The following THSD7B variants were observed in gnomAD, a reference collection of about 807,000 sequenced individuals.
The protein encoded by THSD7B is thrombospondin type-1 domain-containing protein 7B.
Under a neutral mutation model 213.6 loss-of-function variants are expected in THSD7B, and 138 were observed. The ratio of observed to expected loss-of-function variants is 0.65; its 90% CI spans 0.56 to 0.74. THSD7B has a LOEUF of 0.74. THSD7B is among the 30% of genes least tolerant of loss of function. THSD7B has a pLI of 0.00. For synonymous variants in THSD7B, 742 were observed against 687.0 expected, an observed-to-expected ratio of 1.08 and a Z score of -1.25; for missense variants, 1,931 against 1,991.5, an observed-to-expected ratio of 0.97 and a Z score of 0.58.
chr2:137,131,476 A>T (rs376444169), intron 5 of THSD7B, among the ~76,000 whole-genome samples: 1 of 152,104 alleles, frequency 6.6e-6, no homozygotes, highest in Non-Finnish European at 1.5e-5. Flanking sequence ...CTGAATGGTA[A>T]TGCCTAGGTT....
At chr2:137,331,743 G>T (rs1235168117) in intron 12 of THSD7B, among the ~76,000 whole-genome samples, 1 of 152,212 alleles carries the variant, frequency 6.6e-6, no homozygotes, top group Non-Finnish European at 1.5e-5. Context: ...CAGGTCCCAA[G>T]CCCTGCCCCG....
At chr2:137,353,088 C>A (rs1401949986) in intron 12 of THSD7B, among the ~76,000 whole-genome samples, 1 of 151,910 alleles carries the variant, frequency 6.6e-6, no homozygotes, top group Non-Finnish European at 1.5e-5. Context: ...GGAATTCTGA[C>A]AATTGAGATG....
chr2:137,247,616 A>G (rs770723953), intron 10 of THSD7B, among the ~76,000 whole-genome samples: 14 of 152,176 alleles, frequency 9.2e-5, no homozygotes, highest in Non-Finnish European at 1.6e-4. Context: ...TTTAACTTTC[A>G]TCTCTAAGGA....
intron 15 of THSD7B, among the ~76,000 whole-genome samples, chr2:137,459,333 G>T (rs953675379): frequency 2.0e-5 from 3 of 152,058 alleles, no homozygotes; most frequent in Non-Finnish European, 2.9e-5. Flanking sequence ...AAAAACATTT[G>T]TTAAAACATG....
intron 12 of THSD7B, among the ~76,000 whole-genome samples, chr2:137,320,618 A>G (rs1037047104): frequency 2.0e-5 from 3 of 152,228 alleles, no homozygotes; most frequent in African/African-American, 4.8e-5. Flanking sequence ...CATGCTTTTC[A>G]TATTTAAATG....
intron 1 of THSD7B, among the ~76,000 whole-genome samples, chr2:136,813,095 C>T (rs1682409707): frequency 6.6e-6 from 1 of 152,122 alleles, no homozygotes; most frequent in Non-Finnish European, 1.5e-5. Context: ...TTATTTACCA[C>T]ATTTTTCTTC....
At chr2:136,793,109 G>A (rs1247107901) in intron 1 of THSD7B, among the ~76,000 whole-genome samples, 1 of 151,992 alleles carries the variant, frequency 6.6e-6, no homozygotes, top group Non-Finnish European at 1.5e-5. Context: ...TAATATATGA[G>A]TGGAATTGCT....
At chr2:137,509,571 T>A (rs538666212) in intron 15 of THSD7B, among the ~76,000 whole-genome samples, 1 of 152,286 alleles carries the variant, frequency 6.6e-6, no homozygotes, top group African/African-American at 2.4e-5. Context: ...TTTCCTCTAA[T>A]TCTTTGAACA....
intron 5 of THSD7B, among the ~76,000 whole-genome samples, chr2:137,152,721 T>G (rs1435676228): frequency 6.6e-6 from 1 of 152,214 alleles, no homozygotes; most frequent in Non-Finnish European, 1.5e-5. Context: ...TTGTCATAGT[T>G]TCTATGGAAA....
Position 136,986,648 on chromosome 2 carries a change from G to A in THSD7B, c.140-69772G>A, listed in dbSNP as rs142391379. 1.7e-4 allele frequency among the ~76,000 whole-genome samples: 26 copies of A among 152,270 alleles called. No individual in the cohort carries two copies. The East Asian group carries it at 4.8e-3, about 28-fold the overall frequency. On this transcript the variant is annotated intron_variant, in intron 2 of 27. Coordinates refer to ENST00000409968, the MANE Select transcript of THSD7B (RefSeq NM_001316349.2). ...TTCTAAAGGTAGAGATAGTTGTAAT[G>A]TTTCTCCTGCATTTTTTAAGGAAAT... is the stretch of plus-strand genomic sequence containing the variant.
At chr2:137,121,718 C>A (rs1465641488) in intron 5 of THSD7B, among the ~76,000 whole-genome samples, 1 of 152,310 alleles carries the variant, frequency 6.6e-6, no homozygotes, top group East Asian at 1.9e-4. Flanking sequence ...GCTTGACATT[C>A]TTCTTTGTAT....
At chr2:137,378,344 C>G (rs1685705295) in intron 12 of THSD7B, among the ~76,000 whole-genome samples, 1 of 152,168 alleles carries the variant, frequency 6.6e-6, no homozygotes, top group South Asian at 2.1e-4. Flanking sequence ...TAAAGAACTT[C>G]TTTTGCAGCT....
At chr2:137,008,352 A>C (rs1686155634) in intron 2 of THSD7B, among the ~76,000 whole-genome samples, 1 of 152,148 alleles carries the variant, frequency 6.6e-6, no homozygotes, top group South Asian at 2.1e-4. Context: ...AAATTAAATA[A>C]AAATAAGAAG....
chr2:137,491,205 C>T (rs2105122301), intron 15 of THSD7B, among the ~76,000 whole-genome samples: 1 of 152,264 alleles, frequency 6.6e-6, no homozygotes, highest in East Asian at 1.9e-4. Context: ...AACACGTCTC[C>T]CTAACATACA....
At chr2:137,115,631 A>T (rs1688436124) in intron 5 of THSD7B, among the ~76,000 whole-genome samples, 1 of 151,952 alleles carries the variant, frequency 6.6e-6, no homozygotes, top group African/African-American at 2.4e-5. Flanking sequence ...TTTGTTTTTT[A>T]ATTTTTTGCT....
chr2:136,984,458 C>T (rs1685637303), intron 2 of THSD7B, among the ~76,000 whole-genome samples: 1 of 152,176 alleles, frequency 6.6e-6, no homozygotes, highest in African/African-American at 2.4e-5. Flanking sequence ...TCTCTTGCTC[C>T]TGCTCTCACC....
intron 15 of THSD7B, among the ~76,000 whole-genome samples, chr2:137,454,288 A>G (rs1358354248): frequency 6.6e-6 from 1 of 152,198 alleles, no homozygotes; most frequent in Non-Finnish European, 1.5e-5. Flanking sequence ...TTAATTGATC[A>G]GGACAATAAG....
chr2:137,631,269 A>C (rs567424065), intron 20 of THSD7B, among the ~76,000 whole-genome samples: 36 of 152,302 alleles, frequency 2.4e-4, no homozygotes, highest in Middle Eastern at 3.4e-3. Context: ...TATTTGGATT[A>C]GTCATGTTTT....
chr2:137,555,471 C>A (rs897991679), intron 15 of THSD7B, among the ~76,000 whole-genome samples: 2 of 152,224 alleles, frequency 1.3e-5, no homozygotes, highest in African/African-American at 2.4e-5. Flanking sequence ...AACAGACCTG[C>A]AGCTGAGGCT....
Sources: gnomAD v4.1 joint callset for allele counts (sites outside exome capture counted in the v4.1 genomes callset) on GRCh38, gnomAD v4.1.1 for gene constraint, MANE v1.5 for transcripts, NCBI Gene and HGNC (gene_info 2026-07-23, HGNC 2026-07-21) for gene names.